NAA25: variants seen among roughly 807,000 people sequenced by gnomAD.
NAA25 encodes the protein N-terminal acetyltransferase B complex subunit NAA25.
Under a neutral mutation model 132.5 loss-of-function variants are expected in NAA25, and 30 were observed. That is an observed-to-expected ratio of 0.23 (90% CI 0.17 to 0.31). NAA25 has a LOEUF of 0.31. NAA25 is among the 10% of genes least tolerant of loss of function. The probability of loss-of-function intolerance (pLI) is 1.00; values close to 1 mark genes in which losing one functional copy is unlikely to be tolerated. For synonymous variants in NAA25, 359 were observed against 401.9 expected (o/e 0.89, Z 1.28); for missense variants, 771 against 1,150.4 (o/e 0.67, Z 4.77).
chr12:112,108,367 G>T (rs1450637491), intron 1 of NAA25, among the ~76,000 whole-genome samples: 1 of 152,230 alleles, frequency 6.6e-6, no homozygotes, highest in Non-Finnish European at 1.5e-5. Context: ...TGCCGGAGCC[G>T]GCTTCCACCT....
chr12:112,071,825 T>TCGGTGGATG, intron 10 of NAA25, 70 bp downstream of exon 10: 1 of 1,272,098 alleles, frequency 7.9e-7, no homozygotes, highest in South Asian at 1.5e-5. Flanking sequence ...AGTGTAGATC[T>TCGGTGGATG]CAACTAATGA....
chr12:112,036,326 T>C (rs1034410853), intron 22 of NAA25, among the ~76,000 whole-genome samples: 2 of 152,212 alleles, frequency 1.3e-5, no homozygotes, highest in Non-Finnish European at 2.9e-5. Context: ...TGCAAAACAT[T>C]TGAACTTTAA....
At chr12:112,045,753 C>T (rs924910930) in intron 17 of NAA25, among the ~76,000 whole-genome samples, 3 of 152,024 alleles carry the variant, frequency 2.0e-5, no homozygotes, top group African/African-American at 4.8e-5. Context: ...CGAGATCATG[C>T]GACTGCACTC....
rs2078334517 is a variant in NAA25 at position 112,043,749 on chromosome 12, G to C, written c.2126C>G (p.Pro709Arg). 1.2e-6 allele frequency: 2 copies of C among 1,613,984 alleles called. No individual in the cohort carries two copies. Among genetic ancestry groups the C allele is most frequent in the Admixed American group, 1.7e-5 (1 of 60,000 alleles). The change falls in exon 18 of 24, where the codon CCA (proline) becomes CGA (arginine). Residue 709 changes from proline to arginine, a missense_variant. Pro to Arg is a moderately radical substitution (Grantham distance 103). Around this residue, in one of 3 missense-constraint regions of NAA25, gnomAD observed 324 missense variants for 400.0 expected, o/e 0.81. Coordinates refer to ENST00000261745, the MANE Select transcript of NAA25 (RefSeq NM_024953.4). ...CTCGGCAGTCTTCTCCGAGTTCTTTGGCTCCACAGGGTGGTTGAGACTTGG... is the reference window on the plus strand; with the variant it reads ...CTCGGCAGTCTTCTCCGAGTTCTTTCGCTCCACAGGGTGGTTGAGACTTGG... ...GLPSLNHPVEPKNSEKTAENG... is the reference protein window; with the variant it reads ...GLPSLNHPVERKNSEKTAENG...
chr12:112,077,251 T>C (rs1440411786), intron 7 of NAA25, among the ~76,000 whole-genome samples: 1 of 151,976 alleles, frequency 6.6e-6, no homozygotes, highest in Non-Finnish European at 1.5e-5. Context: ...GGCAGGCAGA[T>C]CACTTGAGGT....
intron 15 of NAA25, among the ~76,000 whole-genome samples, chr12:112,051,229 TG>T (rs1436198970): frequency 5.9e-5 from 9 of 152,096 alleles, no homozygotes; most frequent in African/African-American, 2.2e-4. Context: ...TCTTTTTTGG[TG>T]GGGGGACAGA....
chr12:112,058,342 T>C (rs2078576799), intron 13 of NAA25, among the ~76,000 whole-genome samples: 1 of 152,286 alleles, frequency 6.6e-6, no homozygotes, highest in African/African-American at 2.4e-5. Flanking sequence ...TGTTAAGTGA[T>C]AGTAGCAAAA....
intron 21 of NAA25, 85 bp downstream of exon 21, chr12:112,040,396 G>A: frequency 1.4e-6 from 1 of 740,312 alleles, no homozygotes. Context: ...GGTATAAGGT[G>A]CCTATTACCT....
intron 1 of NAA25, among the ~76,000 whole-genome samples, chr12:112,104,054 C>A (rs772941485): frequency 2.0e-5 from 3 of 152,142 alleles, no homozygotes; most frequent in Non-Finnish European, 4.4e-5. Context: ...AAACTATGAA[C>A]TATAGTGGAA....
At chr12:112,098,185 C>T (rs933799429) in intron 1 of NAA25, among the ~76,000 whole-genome samples, 2 of 149,628 alleles carry the variant, frequency 1.3e-5, no homozygotes, top group African/African-American at 4.9e-5. Flanking sequence ...CAGAGATGAG[C>T]AACTGAAAAA....
chr12:112,050,278 C>T (rs972766670), intron 15 of NAA25, among the ~76,000 whole-genome samples: 1 of 152,060 alleles, frequency 6.6e-6, no homozygotes, highest in African/African-American at 2.4e-5. Flanking sequence ...GAAACAACCC[C>T]CTACTGGAAC....
chr12:112,072,025 A>G lies in NAA25; in HGVS notation c.906T>C (p.Ala302=), dbSNP rs1463528342. The G allele has an allele frequency of 3.1e-6, 5 of 1,613,966 alleles. No individual in the cohort carries two copies. Among genetic ancestry groups the G allele is most frequent in the Non-Finnish European group, 4.2e-6 (5 of 1,179,944 alleles). Residue 302 remains alanine, a synonymous_variant, in exon 10 of 24, where the codon GCT becomes GCC. Coordinates refer to ENST00000261745, the MANE Select transcript of NAA25 (RefSeq NM_024953.4). ...TTATCCGATCTTCTATAAACTTCAC[A>G]GCTTTTTCTGCAGAATAATGTACTT... The part of the protein sequence containing the change: ...EGEVHYSAEK[A]VKFIEDRITE...
chr12:112,102,864 A>G (rs2079314198), intron 1 of NAA25, among the ~76,000 whole-genome samples: 1 of 151,562 alleles, frequency 6.6e-6, no homozygotes, highest in Admixed American at 6.6e-5. Context: ...TTTTTCGTAT[A>G]TTTTTAGTAG....
intron 13 of NAA25, among the ~76,000 whole-genome samples, chr12:112,055,724 A>G (rs1164967980): frequency 2.0e-5 from 3 of 152,104 alleles, no homozygotes; most frequent in East Asian, 1.9e-4. Context: ...AAAAGGAAAA[A>G]AAAAAAGAAA....
chr12:112,037,275 CATATATATATATATATATATATATATAT>C (rs57810657), intron 22 of NAA25, among the ~76,000 whole-genome samples: 1,485 of 65,226 alleles, frequency 0.023, 78 homozygotes, highest in African/African-American at 0.063. Flanking sequence ...TTAAAAAATA[CATATATATATATATATATATATATATAT>C]ATATATATAT....
chr12:112,084,704 C>T (rs949785991), intron 4 of NAA25, among the ~76,000 whole-genome samples: 4 of 151,966 alleles, frequency 2.6e-5, no homozygotes, highest in Admixed American at 6.6e-5. Flanking sequence ...ACAGGAGGAT[C>T]TCCTCTTGAA....
At chr12:112,098,119 C>CAAAAAAAAAAAAAAAAAAAAAAAAAA (rs60232542) in intron 1 of NAA25, among the ~76,000 whole-genome samples, 1 of 54,164 alleles carries the variant, frequency 1.8e-5, no homozygotes, top group Non-Finnish European at 3.8e-5. Flanking sequence ...GACTCCATCT[C>CAAAAAAAAAAAAAAAAAAAAAAAAAA]AAAAAAAAAA....
chr12:112,080,903 G>C (rs986572545), intron 5 of NAA25, among the ~76,000 whole-genome samples, 157 bp downstream of exon 5: 1 of 152,158 alleles, frequency 6.6e-6, no homozygotes, highest in African/African-American at 2.4e-5. Context: ...AGGAGGTCAA[G>C]GCAGCAGTGA....
chr12:112,095,136 T>C (rs908732282), intron 1 of NAA25, among the ~76,000 whole-genome samples: 1 of 151,914 alleles, frequency 6.6e-6, no homozygotes, highest in Non-Finnish European at 1.5e-5. Flanking sequence ...ACACCATCTC[T>C]AGAAAAAATT....
Sources: allele counts gnomAD v4.1 joint callset (sites outside exome capture counted in the v4.1 genomes callset), GRCh38; gene constraint gnomAD v4.1.1; regional missense constraint gnomAD v4.1.1; transcripts MANE v1.5; gene names NCBI Gene and HGNC (gene_info 2026-07-23, HGNC 2026-07-21).